The following CDK12 variants were observed in gnomAD, a reference collection of about 807,000 sequenced individuals.
CDK12 encodes the protein cyclin-dependent kinase 12.
A neutral mutation model predicts 133.8 loss-of-function variants in CDK12; 17 were observed. The ratio of observed to expected loss-of-function variants is 0.13; its 90% CI spans 0.09 to 0.19. CDK12 has a LOEUF of 0.19. Among genes scored for constraint, CDK12 ranks in the 10% least tolerant of loss-of-function variants. The pLI is 1.00. For synonymous variants in CDK12, 694 were observed against 683.6 expected, an observed-to-expected ratio of 1.02 and a Z score of -0.24; for missense variants, 1,508 against 1,818.7, an observed-to-expected ratio of 0.83 and a Z score of 3.11.
At position 39,461,975 on chromosome 17, in the gene CDK12, T is replaced by G. The variant is rs2048989389; in HGVS notation, c.-97T>G. On this transcript the variant is annotated 5_prime_UTR_variant, in exon 1 of 14. Transcript: ENST00000447079. ...CCTCCCCACCCCCTTCCCGGGGCGC[T>G]TTGGTGGGCGTGGAGTTGGGGTTGG... The G allele has an allele frequency of 4.5e-6, 4 of 889,214 alleles. No individual in the cohort carries two copies. The highest frequency in any genetic ancestry group is 2.9e-5 in the Admixed American group (1 of 34,212). 55.1% of individuals were successfully genotyped at this position (889,214 alleles called of 1,614,324 possible). A position where few individuals can be genotyped will look rare whatever the true frequency, so the allele number is the denominator to read the frequency against.
In CDK12 at chr17:39,532,025, C is replaced by T. The variant is rs947148036; in HGVS notation, c.*709C>T. 8.6e-6 allele frequency: 2 copies of T among 233,266 alleles called. No individual in the cohort carries two copies. Among genetic ancestry groups the T allele is most frequent in the African/African-American group, 2.2e-5 (1 of 45,196 alleles). The allele number at this position is 233,266 out of a possible 1,614,324, so 14.4% of individuals were successfully genotyped here. On this transcript the variant is annotated 3_prime_UTR_variant, in exon 14 of 14. Transcript: ENST00000447079. The stretch of plus-strand genomic sequence containing the variant: ...CCTGCACATAAAGCAGGTTGTAGAA[C>T]GTGGCATTCTTGGGCAAGTAGGTAG...
At chr17:39,519,347 C>T (rs1439403243) in intron 10 of CDK12, among the ~76,000 whole-genome samples, 3 of 114,126 alleles carry the variant, frequency 2.6e-5, no homozygotes, top group Non-Finnish European at 5.0e-5. Flanking sequence ...ACTCTGTCAC[C>T]TAGGCTGGAG....
intron 2 of CDK12, among the ~76,000 whole-genome samples, chr17:39,482,817 T>C (rs2145616708): frequency 1.3e-5 from 2 of 151,884 alleles, no homozygotes; most frequent in African/African-American, 4.8e-5. Flanking sequence ...GGCTAGGCTG[T>C]TATCTAACTC....
At chr17:39,515,595 G>T (rs974073021) in intron 8 of CDK12, 136 bp from the exon 9 acceptor site, 25 of 599,684 alleles carry the variant, frequency 4.2e-5, no homozygotes, top group Non-Finnish European at 6.5e-5. Context: ...TTTTCTCTTT[G>T]GAAACTCAGA....
chr17:39,552,404 G>A (rs1464519341), intron 2 of CDK12, among the ~76,000 whole-genome samples: 1 of 152,180 alleles, frequency 6.6e-6, no homozygotes, highest in East Asian at 1.9e-4. Context: ...CTGTGGGGCT[G>A]GCTGCCTAAT....
intron 3 of CDK12, among the ~76,000 whole-genome samples, chr17:39,561,705 G>A (rs1411147339): frequency 6.6e-6 from 1 of 152,146 alleles, no homozygotes; most frequent in East Asian, 1.9e-4. Context: ...CTCTTTTATA[G>A]TTGATGTTAC....
intron 5 of CDK12, among the ~76,000 whole-genome samples, chr17:39,500,082 A>T (rs2052608602): frequency 6.6e-6 from 1 of 152,276 alleles, no homozygotes; most frequent in East Asian, 1.9e-4. Flanking sequence ...TGACCTCAGC[A>T]TTTTGGGATG....
At position 39,490,587 on chromosome 17, in the gene CDK12, G is replaced by A. The variant is rs1456876647; in HGVS notation, c.1962G>A (p.Val654=). The A allele has an allele frequency of 1.2e-6, 2 of 1,612,540 alleles. No individual in the cohort carries two copies. The highest frequency in any genetic ancestry group is 2.2e-5 in the South Asian group (2 of 90,914). Residue 654 remains valine, a synonymous_variant, in exon 3 of 14, where the codon GTG becomes GTA. Coordinates refer to ENST00000447079, the MANE Select transcript of CDK12 (RefSeq NM_016507.4). ...SPKETLPSKP[V]KKEKEQRTRH... ...AAGAAACTCTTCCTTCAAAACCTGTGAAGAAAGAGAAGGAACAGAGGACAC... is the reference window on the plus strand; with the variant it reads ...AAGAAACTCTTCCTTCAAAACCTGTAAAGAAAGAGAAGGAACAGAGGACAC...
Position 39,492,875 on chromosome 17 carries a change from A to C in CDK12, c.2233A>C (p.Lys745Gln). ...EGTYGQVYKA[K>Q]DKDTGELVAL... ...AACCTATGGCCAAGTATATAAAGCC[A>C]AGGACAAAGACACAGGTAAATATTG... Residue 745 changes from lysine to glutamine, a missense_variant, in exon 4 of 14, where the codon AAG becomes CAG. By Grantham distance (53) the Lys-to-Gln change is moderately conservative. Around this residue, in one of 9 missense-constraint regions of CDK12, gnomAD observed 74 missense variants for 160.2 expected, o/e 0.46. Transcript: ENST00000447079. The C allele has an allele frequency of 6.2e-7, 1 of 1,608,292 alleles. No homozygotes were observed. The highest frequency in any genetic ancestry group is 8.5e-7 in the Non-Finnish European group (1 of 1,178,334).
chr17:39,485,661 C>G (rs757504845), intron 2 of CDK12, among the ~76,000 whole-genome samples: 44 of 151,840 alleles, frequency 2.9e-4, no homozygotes, highest in Non-Finnish European at 5.2e-4. Flanking sequence ...GATCCCCGGC[C>G]TCGGCCCCCT....
At position 39,515,657 on chromosome 17, in the gene CDK12, G is replaced by A. The variant is rs8070799; in HGVS notation, c.2769-74G>A. ...GGTTGCAATCCGACATATCAATAAT[G>A]TAAAAATTTTTTGAGACACTTTAAA... is the stretch of plus-strand genomic sequence containing the variant. On this transcript the variant is annotated intron_variant, in intron 8 of 13. Transcript: ENST00000447079. The A allele has an allele frequency of 0.96, 870,915 of 902,692 alleles. 420,236 individuals are homozygous for A. The highest frequency in any genetic ancestry group is 1 in the East Asian group (40,466 of 40,474). The allele number at this position is 902,692 out of a possible 1,614,324, so 55.9% of individuals were successfully genotyped here.
chr17:39,487,322 A>G (rs2051211763), intron 2 of CDK12, among the ~76,000 whole-genome samples: 1 of 152,216 alleles, frequency 6.6e-6, no homozygotes, highest in South Asian at 2.1e-4. Context: ...TCTTTTATGG[A>G]AAATTCACAC....
At chr17:39,539,960 T>C (rs1387909684) in intron 1 of CDK12, among the ~76,000 whole-genome samples, 2 of 152,174 alleles carry the variant, frequency 1.3e-5, no homozygotes, top group Non-Finnish European at 2.9e-5. Flanking sequence ...AGCAATCTCA[T>C]TGGCTTGAAT....
rs374604283 is a variant in CDK12, at chr17:39,505,308, C to T, written c.2609+3869C>T. Among the ~76,000 whole-genome samples, 9 of 150,444 alleles carry T rather than the reference C, an allele frequency of 6.0e-5. No individual in the cohort carries two copies. In the East Asian group the frequency reaches 1.2e-3, roughly 20 times the overall value. ...TTGGGAGGCCAAGGCGGGCAGATCA[C>T]GAGGTCAAGAGATCGAGACCATCCT... is the stretch of plus-strand genomic sequence containing the variant. On this transcript the variant is annotated intron_variant, in intron 6 of 13. Transcript: ENST00000447079.
rs556999206 is a variant in CDK12 at position 39,532,791 on chromosome 17, G to C, written c.*1475G>C. On this transcript the variant is annotated 3_prime_UTR_variant, in exon 14 of 14. Coordinates refer to ENST00000447079, the MANE Select transcript of CDK12 (RefSeq NM_016507.4). The stretch of plus-strand genomic sequence containing the variant: ...TATCATAAACAGGAAATGAAAAAGG[G>C]AAGGGCTGTCAGGATGGGATAATTT... 1 of 232,832 alleles carries C rather than the reference G, an allele frequency of 4.3e-6. No homozygotes were observed. 14.4% of individuals were successfully genotyped at this position (232,832 alleles called of 1,614,324 possible). A position where few individuals can be genotyped will look rare whatever the true frequency, so the allele number is the denominator to read the frequency against.
chr17:39,542,233 C>T (rs2055458450), intron 1 of CDK12, among the ~76,000 whole-genome samples: 1 of 151,548 alleles, frequency 6.6e-6, no homozygotes, highest in Non-Finnish European at 1.5e-5. Flanking sequence ...GTCACTCAGG[C>T]TGGAGTGCAA....
At position 39,471,488 on chromosome 17, in the gene CDK12, A is replaced by G. The variant is rs754489755; in HGVS notation, c.1656A>G (p.Pro552=). The part of the protein sequence containing the change: ...TTPPPQTPPL[P]PLPPIPALPQ... ...CTCCACCTCAGACACCCCCTTTGCC[A>G]CCTTTGCCTCCAATACCAGCTCTTC... The change falls in exon 2 of 14, where the codon CCA becomes CCG. Residue 552 remains proline (P), a synonymous_variant. Coordinates refer to ENST00000447079, the MANE Select transcript of CDK12 (RefSeq NM_016507.4). 5.8e-6 allele frequency: 9 copies of G among 1,540,560 alleles called. No homozygotes were observed. Among genetic ancestry groups the G allele is most frequent in the Non-Finnish European group, 7.0e-6 (8 of 1,149,880 alleles).
intron 5 of CDK12, among the ~76,000 whole-genome samples, chr17:39,497,776 T>A (rs1486106697): frequency 6.6e-6 from 1 of 151,940 alleles, no homozygotes; most frequent in African/African-American, 2.4e-5. Flanking sequence ...GCTGATTTTT[T>A]AAATTTTTAG....
At chr17:39,506,514 C>T (rs11078906) in intron 6 of CDK12, among the ~76,000 whole-genome samples, 93,899 of 151,510 alleles carry the variant, frequency 0.62, 32,201 homozygotes, top group South Asian at 0.89. Flanking sequence ...CCACGCCTGG[C>T]CAATTATATG....
Sources: allele counts gnomAD v4.1 joint callset (sites outside exome capture counted in the v4.1 genomes callset), GRCh38; gene constraint gnomAD v4.1.1; regional missense constraint gnomAD v4.1.1; transcripts MANE v1.5; gene names NCBI Gene and HGNC (gene_info 2026-07-23, HGNC 2026-07-21).